Variants in NBAS observed in about 807,000 individuals in gnomAD.
NBAS encodes the protein NAG/BC035112 fusion.
In NBAS, 219 loss-of-function variants were observed where a neutral mutation model predicts 302.5. That is an observed-to-expected ratio of 0.72 (90% CI 0.65 to 0.81). The LOEUF (loss-of-function observed/expected upper bound fraction) is 0.81. NBAS is among the 30% of genes least tolerant of loss of function. The pLI is 0.00. For synonymous variants in NBAS, 1,118 were observed against 1,021.6 expected, an observed-to-expected ratio of 1.09 and a Z score of -1.80; for missense variants, 2,932 against 2,841.6, an observed-to-expected ratio of 1.03 and a Z score of -0.72.
At chr2:15,059,964 CAAAAAAAAAA>C in the NBAS span, among the ~76,000 whole-genome samples, 54,077 of 112,672 alleles carry the variant, frequency 0.48, 11,126 homozygotes, top group African/African-American at 0.64. Context: ...AAAAAAAAAA[CAAAAAAAAAA>C]ACAAAAAAAA....
intron 35 of NBAS, among the ~76,000 whole-genome samples, chr2:15,338,420 A>C (rs1394766715): frequency 6.6e-6 from 1 of 152,174 alleles, no homozygotes. Flanking sequence ...CTAAGCATGC[A>C]ATCCTTATTA....
rs1468362777 is a variant in NBAS at position 15,379,737 on chromosome 2, G to A, written c.3455C>T (p.Pro1152Leu). 6.2e-7 allele frequency: 1 copy of A among 1,614,038 alleles called. No homozygotes were observed. The highest frequency in any genetic ancestry group is 1.1e-5 in the South Asian group (1 of 91,074). Residue 1152 changes from proline to leucine, a missense_variant, in exon 30 of 52, where the codon CCA becomes CTA. Physicochemically the swap from Pro to Leu is moderately conservative, Grantham distance 98 (BLOSUM62 -3). Transcript: ENST00000281513. Reference sequence around the variant, plus strand: ...TTTCCCTTTATGGGCTATACCAGCTGGAGGATTTTCTGAACAAGCACTGCA... The same window carrying A: ...TTTCCCTTTATGGGCTATACCAGCTAGAGGATTTTCTGAACAAGCACTGCA... ...MHCSACSENP[P>L]AGIAHKGKPH...
intron 30 of NBAS, among the ~76,000 whole-genome samples, chr2:15,375,209 A>C (rs1229353383): frequency 2.6e-5 from 4 of 152,224 alleles, no homozygotes; most frequent in Non-Finnish European, 5.9e-5. Context: ...TCTGATCAAA[A>C]AAGAGAAATC....
At chr2:15,511,722 G>A (rs2287272) in intron 9 of NBAS, among the ~76,000 whole-genome samples, 89,592 of 151,960 alleles carry the variant, frequency 0.59, 27,025 homozygotes, top group Middle Eastern at 0.63. Context: ...TGTATCTGAT[G>A]CAATGAGGGA....
At chr2:14,898,270 G>A in the NBAS span, among the ~76,000 whole-genome samples, 9 of 152,152 alleles carry the variant, frequency 5.9e-5, no homozygotes, top group Non-Finnish European at 1.3e-4. Context: ...CCTTGAAAAG[G>A]TGAAAAATAA....
chr2:15,451,853 C>T (rs535802494), intron 21 of NBAS, among the ~76,000 whole-genome samples: 12 of 152,214 alleles, frequency 7.9e-5, no homozygotes, highest in Non-Finnish European at 1.8e-4. Context: ...CATAATCTCC[C>T]ATCTCAAACT....
chr2:15,147,462 G>C, the NBAS span, among the ~76,000 whole-genome samples: 1 of 151,940 alleles, frequency 6.6e-6, no homozygotes, highest in African/African-American at 2.4e-5. Context: ...GTGTGCTGGC[G>C]CATGCCTGTA....
At chr2:15,498,750 G>GCTCT (rs71400654) in intron 11 of NBAS, among the ~76,000 whole-genome samples, 37 of 148,078 alleles carry the variant, frequency 2.5e-4, no homozygotes, top group African/African-American at 5.2e-4. Flanking sequence ...ATTCGTGCTC[G>GCTCT]CTCTCTCTCT....
chr2:15,547,630 G>A (rs193034614), intron 6 of NBAS, among the ~76,000 whole-genome samples: 7 of 152,162 alleles, frequency 4.6e-5, no homozygotes, highest in Admixed American at 1.3e-4. Flanking sequence ...ATCTAATGCC[G>A]AAGCTCAAAA....
At position 15,383,233 on chromosome 2, in the gene NBAS, A is replaced by C; in HGVS notation, c.3342T>G (p.Asp1114Glu). The change falls in exon 29 of 52, where the codon GAT becomes GAG. Residue 1114 changes from aspartate (D) to glutamate (E), a missense_variant. By Grantham distance (45) the Asp-to-Glu change is conservative. Transcript: ENST00000281513. ...TMQQNVYTCL[D>E]SDACYEIFTE... ...GAGTTACCTCATAGCAGGCATCAGA[A>C]TCTAGACATGTGTATACATTCTGCT... is the stretch of plus-strand genomic sequence containing the variant. 6.2e-7 allele frequency: 1 copy of C among 1,613,940 alleles called. No homozygotes were observed.
At chr2:14,967,071 C>T in the NBAS span, among the ~76,000 whole-genome samples, 2 of 152,000 alleles carry the variant, frequency 1.3e-5, no homozygotes, top group African/African-American at 2.4e-5. Context: ...TTATGAACTA[C>T]TTAGTGATAA....
chr2:15,277,905 C>T (rs757566554), intron 42 of NBAS, among the ~76,000 whole-genome samples: 15 of 152,124 alleles, frequency 9.9e-5, no homozygotes, highest in Non-Finnish European at 1.5e-4. Context: ...AGTGTAATCT[C>T]AATGCCCCTT....
the NBAS span, among the ~76,000 whole-genome samples, chr2:14,998,700 T>C: frequency 1.3e-5 from 2 of 152,190 alleles, no homozygotes; most frequent in Non-Finnish European, 1.5e-5. Context: ...ATGCATATGT[T>C]AAATGTGTCT....
chr2:15,366,649 A>C lies in NBAS; in HGVS notation c.3748T>G (p.Ser1250Ala). The change falls in exon 32 of 52, where the codon TCC becomes GCC. Residue 1250 changes from serine (S) to alanine (A), a missense_variant. Transcript: ENST00000281513. ...TGTTTATAGCATGTGGGGGACTGGG[A>C]AATACACTCCTTGATGAGACTGATC... ...DRISLIKECI[S>A]QSPTCYKQST... 6.2e-7 allele frequency: 1 copy of C among 1,614,118 alleles called. No individual in the cohort carries two copies. The highest frequency in any genetic ancestry group is 1.1e-5 in the South Asian group (1 of 91,076).
At chr2:15,112,058 G>T in the NBAS span, among the ~76,000 whole-genome samples, 2 of 150,916 alleles carry the variant, frequency 1.3e-5, no homozygotes, top group Non-Finnish European at 3.0e-5. Context: ...GTTATTGAAA[G>T]AAAATAAAGA....
chr2:14,839,392 CCTCAA>C, the NBAS span, among the ~76,000 whole-genome samples: 1 of 152,000 alleles, frequency 6.6e-6, no homozygotes, highest in East Asian at 1.9e-4. Context: ...TCAGTCCTTA[CCTCAA>C]CTCACAGGAA....
At chr2:15,424,219 C>CT in intron 23 of NBAS, 96 bp downstream of exon 23, 1 of 1,354,744 alleles carries the variant, frequency 7.4e-7, no homozygotes, top group Non-Finnish European at 1.1e-6. Context: ...TACATGATTC[C>CT]TGCACTGCTG....
At chr2:14,924,617 G>A in the NBAS span, among the ~76,000 whole-genome samples, 7 of 152,228 alleles carry the variant, frequency 4.6e-5, no homozygotes, top group Middle Eastern at 3.4e-3. Context: ...ATAATGTCCC[G>A]ATAATCTGAA....
the NBAS span, among the ~76,000 whole-genome samples, chr2:14,939,695 A>T: frequency 6.6e-6 from 1 of 152,316 alleles, no homozygotes; most frequent in South Asian, 2.1e-4. Context: ...GAGTCCATGG[A>T]CTGCTGAAGG....
Sources: gnomAD v4.1 joint callset for allele counts (sites outside exome capture counted in the v4.1 genomes callset) on GRCh38, gnomAD v4.1.1 for gene constraint, MANE v1.5 for transcripts, NCBI Gene and HGNC (gene_info 2026-07-23, HGNC 2026-07-21) for gene names.